The following BOD1L1 variants were observed in gnomAD, a reference collection of about 807,000 sequenced individuals.
BOD1L1 encodes biorientation of chromosomes in cell division 1 like 1.
A neutral mutation model predicts 240.7 loss-of-function variants in BOD1L1; 86 were observed. The observed-to-expected ratio is 0.36, with a 90% CI of 0.30 to 0.43. BOD1L1 has a LOEUF of 0.43. Ranked by LOEUF, BOD1L1 falls within the 20% of genes least tolerant of loss-of-function variation. BOD1L1 has a pLI of 1.00. For missense variants in BOD1L1, 3,554 were observed against 3,643.5 expected (o/e 0.98, Z 0.63); for synonymous variants, 1,268 against 1,272.3 (o/e 1.00, Z 0.07).
At chr4:13,578,979 A>G (rs34304056) in intron 22 of BOD1L1, among the ~76,000 whole-genome samples, 4,681 of 152,294 alleles carry the variant, frequency 0.031, 120 homozygotes, top group Non-Finnish European at 0.051. Context: ...AAGAAAAGTA[A>G]AGATTAGTTC....
chr4:13,595,128 T>C (rs1245125590), intron 12 of BOD1L1, among the ~76,000 whole-genome samples: 2 of 152,190 alleles, frequency 1.3e-5, no homozygotes, highest in African/African-American at 4.8e-5. Flanking sequence ...AATCTAGCCA[T>C]TTTTCATGAA....
At position 13,602,500 on chromosome 4, in the gene BOD1L1, T is replaced by C; in HGVS notation, c.4400A>G (p.Lys1467Arg). The change falls in exon 10 of 26, where the codon AAA becomes AGA. Residue 1467 changes from lysine to arginine, a missense_variant. Around this residue, in one of 2 missense-constraint regions of BOD1L1, gnomAD observed 3,393 missense variants for 3,427.1 expected, o/e 0.99. Coordinates refer to ENST00000040738, the MANE Select transcript of BOD1L1 (RefSeq NM_148894.3). ...LKHKRSPGKV[K>R]DISIDVERRN... Reference sequence around the variant, plus strand: ...TCTTTCAACATCAATTGATATGTCTTTTACTTTACCTGGGCTTCTTTTATG... The same window carrying C: ...TCTTTCAACATCAATTGATATGTCTCTTACTTTACCTGGGCTTCTTTTATG... The C allele has an allele frequency of 6.2e-7, 1 of 1,614,002 alleles. No individual in the cohort carries two copies. The highest frequency in any genetic ancestry group is 8.5e-7 in the Non-Finnish European group (1 of 1,179,888).
intron 1 of BOD1L1, among the ~76,000 whole-genome samples, chr4:13,620,549 A>T (rs955407132): frequency 3.3e-5 from 5 of 152,124 alleles, no homozygotes; most frequent in Admixed American, 2.6e-4. Flanking sequence ...GCTATAGAAG[A>T]GAATACAAAA....
chr4:13,615,523 T>G (rs375041761), intron 2 of BOD1L1, 21 bp from the exon 3 acceptor site: 1 of 1,564,310 alleles, frequency 6.4e-7, no homozygotes, highest in Admixed American at 1.9e-5. Flanking sequence ...AGATAATTTA[T>G]GGAAAGGTGA....
At chr4:13,575,591 A>C (rs1238385149) in intron 25 of BOD1L1, among the ~76,000 whole-genome samples, 1 of 151,906 alleles carries the variant, frequency 6.6e-6, no homozygotes, top group African/African-American at 2.4e-5. Context: ...TGTGTTGCCC[A>C]GGCTGGTCTC....
At position 13,614,176 on chromosome 4, in the gene BOD1L1, G is replaced by T. The variant is rs1184846002; in HGVS notation, c.1174+20C>A. 1 of 1,467,220 alleles carries T rather than the reference G, an allele frequency of 6.8e-7. No homozygotes were observed. Among genetic ancestry groups the T allele is most frequent in the Non-Finnish European group, 9.0e-7 (1 of 1,112,502 alleles). The allele number at this position is 1,467,220 out of a possible 1,614,324, so 90.9% of individuals were successfully genotyped here. A position where few individuals can be genotyped will look rare whatever the true frequency, so the allele number is the denominator to read the frequency against. On this transcript the variant is annotated intron_variant, in intron 4 of 25. Coordinates refer to ENST00000040738, the MANE Select transcript of BOD1L1 (RefSeq NM_148894.3). The stretch of plus-strand genomic sequence containing the variant: ...ACTCTGTTCTTTAAACTTTGTAGAT[G>T]TTTGCAAGTTTTTATATACCTTCTT...
At chr4:13,607,397 C>G (rs1715796976) in intron 8 of BOD1L1, among the ~76,000 whole-genome samples, 2 of 152,176 alleles carry the variant, frequency 1.3e-5, no homozygotes, top group African/African-American at 4.8e-5. Context: ...CTCCTGAGTT[C>G]AAGTAATTCT....
At chr4:13,619,846 T>G in intron 2 of BOD1L1, 97 bp downstream of exon 2, 1 of 1,413,012 alleles carries the variant, frequency 7.1e-7, no homozygotes, top group Non-Finnish European at 9.5e-7. Flanking sequence ...ATTGTCAACA[T>G]CATTAGGTGA....
chr4:13,576,502 A>G (rs1027522079), intron 25 of BOD1L1, among the ~76,000 whole-genome samples: 1 of 152,184 alleles, frequency 6.6e-6, no homozygotes, highest in Non-Finnish European at 1.5e-5. Flanking sequence ...AGCAGGGATG[A>G]TGTTTTATGT....
intron 19 of BOD1L1, 136 bp downstream of exon 19, chr4:13,582,101 G>C (rs2108894058): frequency 3.2e-6 from 2 of 632,702 alleles, no homozygotes; most frequent in Non-Finnish European, 5.5e-6. Context: ...TGTATGAAAT[G>C]GTGTTCCATT....
intron 17 of BOD1L1, 96 bp downstream of exon 17, chr4:13,586,300 T>C: frequency 1.7e-6 from 1 of 602,762 alleles, no homozygotes; most frequent in Non-Finnish European, 2.8e-6. Flanking sequence ...AGAGGGATAG[T>C]AAAATGAAAA....
At chr4:13,588,185 CAAAAAAAAA>C (rs201474701) in intron 15 of BOD1L1, among the ~76,000 whole-genome samples, 2 of 76,492 alleles carry the variant, frequency 2.6e-5, no homozygotes, top group Non-Finnish European at 5.2e-5. Flanking sequence ...GAGACTGTTT[CAAAAAAAAA>C]AAAAAAAAGA....
chr4:13,594,603 T>C (rs987626867), intron 12 of BOD1L1, among the ~76,000 whole-genome samples: 5 of 152,170 alleles, frequency 3.3e-5, no homozygotes, highest in African/African-American at 7.2e-5. Flanking sequence ...AACCCAACCA[T>C]TGGCCGAGCG....
At chr4:13,624,120 T>G (rs1039137483) in intron 1 of BOD1L1, 7 of 151,804 alleles carry the variant, frequency 4.6e-5, no homozygotes, top group Non-Finnish European at 8.8e-5. Flanking sequence ...AATTGCTAAC[T>G]AAGGGAGTAG....
At chr4:13,581,242 G>GA in intron 19 of BOD1L1, 35 bp from the exon 20 acceptor site, 5 of 1,419,334 alleles carry the variant, frequency 3.5e-6, no homozygotes, top group South Asian at 1.4e-5. Context: ...ACAGCAATAA[G>GA]AAAAAAAATT....
chr4:13,622,027 G>A (rs984077440), intron 1 of BOD1L1, among the ~76,000 whole-genome samples: 1 of 151,842 alleles, frequency 6.6e-6, no homozygotes, highest in Non-Finnish European at 1.5e-5. Context: ...ACCACACCTG[G>A]CTAATTTTTG....
At chr4:13,618,487 T>A in intron 2 of BOD1L1, among the ~76,000 whole-genome samples, 2 of 152,232 alleles carry the variant, frequency 1.3e-5, no homozygotes, top group East Asian at 3.8e-4. Flanking sequence ...ACCCAACAGA[T>A]CTTTTTTGTT....
In BOD1L1 at chr4:13,603,766, C is replaced by A. The variant is rs966637668; in HGVS notation, c.3134G>T (p.Gly1045Val). Residue 1045 changes from glycine to valine, a missense_variant, in exon 10 of 26, where the codon GGT (glycine) becomes GTT (valine). Gly to Val is a moderately radical substitution (Grantham distance 109). Around this residue, in one of 2 missense-constraint regions of BOD1L1, gnomAD observed 3,393 missense variants for 3,427.1 expected, o/e 0.99. Transcript: ENST00000040738. ...KDENKSDDKD[G>V]KEVDSSHEKA... ...TTCATGACTACTGTCAACTTCTTTA[C>A]CATCCTTGTCATCTGATTTATTTTC... The A allele has an allele frequency of 1.2e-6, 2 of 1,613,576 alleles. No homozygotes were observed. The highest frequency in any genetic ancestry group is 2.7e-5 in the African/African-American group (2 of 74,866).
At chr4:13,623,603 C>G (rs1210732342) in intron 1 of BOD1L1, 1 of 152,214 alleles carries the variant, frequency 6.6e-6, no homozygotes, top group African/African-American at 2.4e-5. Flanking sequence ...CTGATTTGGT[C>G]TGTTACAGTC....
Sources: allele counts gnomAD v4.1 joint callset (sites outside exome capture counted in the v4.1 genomes callset), GRCh38; gene constraint gnomAD v4.1.1; regional missense constraint gnomAD v4.1.1; transcripts MANE v1.5; gene names NCBI Gene and HGNC (gene_info 2026-07-23, HGNC 2026-07-21).